The following ANGPT1 variants were observed in gnomAD, a reference collection of about 807,000 sequenced individuals.
The protein encoded by ANGPT1 is angiopoietin-1.
In ANGPT1, 17 loss-of-function variants were observed where a neutral mutation model predicts 62.2. That is an observed-to-expected ratio of 0.27 (90% CI 0.19 to 0.41). ANGPT1 has a LOEUF of 0.41. Among genes scored for constraint, ANGPT1 ranks in the 10% least tolerant of loss-of-function variants. The pLI is 1.00. For synonymous variants in ANGPT1, 199 were observed against 198.9 expected (o/e 1.00, Z 0.00); for missense variants, 478 against 594.9 (o/e 0.80, Z 2.04).
chr8:107,318,964 A>T (rs997508982), intron 4 of ANGPT1, among the ~76,000 whole-genome samples: 38 of 152,290 alleles, frequency 2.5e-4, no homozygotes, highest in Middle Eastern at 3.4e-3. Context: ...AATGGAGGCC[A>T]AAAAAGCTGC....
At chr8:107,349,122 TTAGATAGATAGATAGA>T (rs142050677) in intron 1 of ANGPT1, among the ~76,000 whole-genome samples, 3 of 143,800 alleles carry the variant, frequency 2.1e-5, no homozygotes, top group Admixed American at 1.4e-4. Flanking sequence ...GATAAGGAGA[TTAGATAGATAGATAGA>T]TAGATAGATA....
chr8:107,462,070 TA>T (rs1175580539), intron 1 of ANGPT1, among the ~76,000 whole-genome samples: 1 of 152,130 alleles, frequency 6.6e-6, no homozygotes, highest in Non-Finnish European at 1.5e-5. Flanking sequence ...AAGGTCAGGC[TA>T]TGTCTAGTTT....
At chr8:107,257,895 G>GTTT (rs1395847817) in intron 8 of ANGPT1, among the ~76,000 whole-genome samples, 5 of 108,756 alleles carry the variant, frequency 4.6e-5, no homozygotes, top group Admixed American at 9.8e-5. Context: ...TTGTTTGTTT[G>GTTT]TTTGTTTGTT....
chr8:107,250,385 T>C lies in ANGPT1; in HGVS notation c.*1470A>G, dbSNP rs1813222380. ...TTTCCATTGAGTTATTTATGGCAACTAGCAGTCAGAATTTCTTAGTCAGGT... is the reference window on the plus strand; with the variant it reads ...TTTCCATTGAGTTATTTATGGCAACCAGCAGTCAGAATTTCTTAGTCAGGT... On this transcript the variant is annotated 3_prime_UTR_variant, in exon 9 of 9. Coordinates refer to ENST00000517746, the MANE Select transcript of ANGPT1 (RefSeq NM_001146.5). 1 of 152,272 alleles carries C rather than the reference T, an allele frequency of 6.6e-6. No homozygotes were observed. Among genetic ancestry groups the C allele is most frequent in the South Asian group, 2.1e-4 (1 of 4,830 alleles). The allele number at this position is 152,272 out of a possible 1,614,324, so 9.4% of individuals were successfully genotyped here.
At chr8:107,396,515 C>T (rs1460424244) in intron 1 of ANGPT1, among the ~76,000 whole-genome samples, 7 of 101,896 alleles carry the variant, frequency 6.9e-5, no homozygotes, top group Admixed American at 3.4e-4. Flanking sequence ...TTTCTTTTCT[C>T]TCTTTTTTTT....
At chr8:107,294,308 C>A (rs1814358028) in intron 5 of ANGPT1, 1 of 243,046 alleles carries the variant, frequency 4.1e-6, no homozygotes, top group African/African-American at 2.2e-5. Context: ...TCAGACTATA[C>A]AACATTTTAA....
chr8:107,417,587 C>G (rs1810787600), intron 1 of ANGPT1, among the ~76,000 whole-genome samples: 1 of 151,994 alleles, frequency 6.6e-6, no homozygotes, highest in South Asian at 2.1e-4. Flanking sequence ...TAGCATCTGT[C>G]TACATTTAAA....
At chr8:107,489,056 C>A (rs550308907) in intron 1 of ANGPT1, among the ~76,000 whole-genome samples, 2 of 152,132 alleles carry the variant, frequency 1.3e-5, no homozygotes, top group Non-Finnish European at 1.5e-5. Context: ...GTGGAGACTA[C>A]CAATAAAGCA....
At chr8:107,396,615 G>A (rs1300582466) in intron 1 of ANGPT1, among the ~76,000 whole-genome samples, 1 of 138,882 alleles carries the variant, frequency 7.2e-6, no homozygotes, top group African/African-American at 2.7e-5. Context: ...CAAACTCTTG[G>A]ACTTAAAGGA....
intron 1 of ANGPT1, among the ~76,000 whole-genome samples, chr8:107,409,939 ATCC>A (rs1817229481): frequency 6.4e-4 from 5 of 7,786 alleles, no homozygotes; most frequent in Admixed American, 4.1e-3. Flanking sequence ...TATGTGATGA[ATCC>A]ATCCATCCAT....
rs1813230217 is a variant in ANGPT1 at position 107,250,679 on chromosome 8, G to T, written c.*1176C>A. 6.6e-6 allele frequency: 1 copy of T among 152,012 alleles called. No homozygotes were observed. The highest frequency in any genetic ancestry group is 1.5e-5 in the Non-Finnish European group (1 of 67,966). 9.4% of individuals were successfully genotyped at this position (152,012 alleles called of 1,614,324 possible). On this transcript the variant is annotated 3_prime_UTR_variant, in exon 9 of 9. Transcript: ENST00000517746. ...CAGATATAAACATGCTATGTACAAT[G>T]ATATTTATAATTATTTTATTTTTTA...
At chr8:107,465,430 G>A (rs554857836) in intron 1 of ANGPT1, among the ~76,000 whole-genome samples, 2 of 151,922 alleles carry the variant, frequency 1.3e-5, no homozygotes, top group African/African-American at 4.8e-5. Context: ...CAATTGAATT[G>A]GACTAATTTA....
intron 1 of ANGPT1, among the ~76,000 whole-genome samples, chr8:107,410,362 A>G (rs909816979): frequency 6.6e-6 from 1 of 152,196 alleles, no homozygotes; most frequent in Non-Finnish European, 1.5e-5. Context: ...TCCCTAGGTC[A>G]GGTCCTAAGG....
chr8:107,334,071 G>A (rs1289441705), intron 3 of ANGPT1, among the ~76,000 whole-genome samples: 1 of 149,154 alleles, frequency 6.7e-6, no homozygotes, highest in Non-Finnish European at 1.5e-5. Context: ...GAAGAAAAGA[G>A]AAAGAGACAG....
intron 4 of ANGPT1, among the ~76,000 whole-genome samples, chr8:107,310,416 T>C (rs946570684): frequency 1.3e-5 from 2 of 152,134 alleles, no homozygotes; most frequent in Non-Finnish European, 2.9e-5. Flanking sequence ...GAAACCCAAA[T>C]AGAACTTCAG....
At chr8:107,385,459 T>C (rs1457596700) in intron 1 of ANGPT1, among the ~76,000 whole-genome samples, 1 of 152,036 alleles carries the variant, frequency 6.6e-6, no homozygotes, top group African/African-American at 2.4e-5. Context: ...ACAAATGCTA[T>C]TGATTTTTGT....
At position 107,474,546 on chromosome 8, in the gene ANGPT1, A is replaced by T. The variant is rs556174031; in HGVS notation, c.297+22716T>A. 2.6e-5 allele frequency among the ~76,000 whole-genome samples: 4 copies of T among 152,198 alleles called. No individual in the cohort carries two copies. In the East Asian group the frequency reaches 7.7e-4, roughly 29 times the overall value. On this transcript the variant is annotated intron_variant, in intron 1 of 8. Transcript: ENST00000517746. ...GCACAAGACAGGGATGACCTCTCTC[A>T]CCACTCCTATCCAACATAGTGTTGG...
intron 1 of ANGPT1, among the ~76,000 whole-genome samples, chr8:107,469,335 A>C (rs1812285752): frequency 1.3e-5 from 2 of 152,058 alleles, no homozygotes; most frequent in African/African-American, 4.8e-5. Context: ...CACTTGATTG[A>C]TATTCAGTTC....
At chr8:107,481,815 C>T (rs1812695628) in intron 1 of ANGPT1, among the ~76,000 whole-genome samples, 1 of 152,106 alleles carries the variant, frequency 6.6e-6, no homozygotes, top group East Asian at 1.9e-4. Flanking sequence ...AACTCACTCA[C>T]TATCGTGAGA....
Sources: allele counts gnomAD v4.1 joint callset (sites outside exome capture counted in the v4.1 genomes callset), GRCh38; gene constraint gnomAD v4.1.1; transcripts MANE v1.5; gene names NCBI Gene and HGNC (gene_info 2026-07-23, HGNC 2026-07-21).